The following DMXL1 variants were observed in gnomAD, a reference collection of about 807,000 sequenced individuals.
DMXL1 encodes dmX-like protein 1.
A neutral mutation model predicts 319.2 loss-of-function variants in DMXL1; 99 were observed. The observed-to-expected ratio is 0.31, with a 90% CI of 0.26 to 0.37. The LOEUF (loss-of-function observed/expected upper bound fraction) is 0.37. DMXL1 is among the 10% of genes least tolerant of loss of function. DMXL1 has a pLI of 1.00. For missense variants in DMXL1, 3,745 were observed against 3,595.6 expected, an observed-to-expected ratio of 1.04 and a Z score of -1.06; for synonymous variants, 1,385 against 1,235.2, an observed-to-expected ratio of 1.12 and a Z score of -2.54.
Position 119,228,325 on chromosome 5 carries a change from C to T in DMXL1, c.8338+3556C>T, listed in dbSNP as rs181429750. On this transcript the variant is annotated intron_variant, in intron 38 of 43. Transcript: ENST00000539542. ...AGTGAAGATCAGGAGAAACAATAAC[C>T]ATCTGTCAGTGACAAAAGACTTAAC... Among the ~76,000 whole-genome samples, 8 of 152,264 alleles carry T rather than the reference C, an allele frequency of 5.3e-5. No homozygotes were observed. The East Asian group carries it at 1.5e-3, about 29-fold the overall frequency.
At chr5:119,241,219 C>T (rs1788726000) in intron 42 of DMXL1, among the ~76,000 whole-genome samples, 1 of 152,062 alleles carries the variant, frequency 6.6e-6, no homozygotes, top group East Asian at 1.9e-4. Flanking sequence ...AAGTTTATGT[C>T]ATCTGTTTAC....
chr5:119,144,981 G>A (rs1768199124), intron 15 of DMXL1, among the ~76,000 whole-genome samples: 1 of 151,632 alleles, frequency 6.6e-6, no homozygotes, highest in South Asian at 2.1e-4. Flanking sequence ...TAAAGAAGTA[G>A]CTTAAAACTT....
At chr5:119,120,233 TTGAA>T (rs1473256496) in intron 8 of DMXL1, among the ~76,000 whole-genome samples, 1 of 152,238 alleles carries the variant, frequency 6.6e-6, no homozygotes, top group African/African-American at 2.4e-5. Flanking sequence ...CAATTTATCT[TTGAA>T]TGCTTTGTAT....
intron 1 of DMXL1, among the ~76,000 whole-genome samples, chr5:119,095,244 ATAG>A (rs1364201044): frequency 6.6e-6 from 1 of 152,220 alleles, no homozygotes; most frequent in Non-Finnish European, 1.5e-5. Context: ...AAAAAGTCAA[ATAG>A]TAGTAGTATG....
At chr5:119,179,219 A>T (rs1776368661) in intron 28 of DMXL1, among the ~76,000 whole-genome samples, 1 of 151,512 alleles carries the variant, frequency 6.6e-6, no homozygotes, top group Admixed American at 6.6e-5. Context: ...GGGCATGAGG[A>T]GTAGCTTTAT....
intron 37 of DMXL1, among the ~76,000 whole-genome samples, chr5:119,222,248 A>G (rs1256593026): frequency 6.6e-6 from 1 of 152,174 alleles, no homozygotes; most frequent in African/African-American, 2.4e-5. Context: ...CAAAAAGGTC[A>G]AGTGGATCAA....
chr5:119,192,962 A>G (rs781098479), intron 29 of DMXL1, among the ~76,000 whole-genome samples: 1 of 152,172 alleles, frequency 6.6e-6, no homozygotes, highest in Non-Finnish European at 1.5e-5. Flanking sequence ...CTCCAAATCT[A>G]TCAGCAGACC....
intron 27 of DMXL1, 79 bp from the exon 28 acceptor site, chr5:119,177,917 G>A (rs2150312693): frequency 7.6e-7 from 1 of 1,314,684 alleles, no homozygotes; most frequent in Non-Finnish European, 1.0e-6. Flanking sequence ...ATTTTTTCCT[G>A]AAATTAGAAA....
intron 18 of DMXL1, among the ~76,000 whole-genome samples, chr5:119,151,579 A>G: frequency 6.6e-6 from 1 of 152,144 alleles, no homozygotes; most frequent in East Asian, 1.9e-4. Context: ...ATTGGGGTGG[A>G]TGTATGATTC....
rs771750916 is a variant in DMXL1 at position 119,151,997 on chromosome 5, A to T, written c.4663A>T (p.Thr1555Ser). The T allele has an allele frequency of 6.2e-7, 1 of 1,613,128 alleles. No homozygotes were observed. Among genetic ancestry groups the T allele is most frequent in the South Asian group, 1.1e-5 (1 of 91,006 alleles). ...TGTTCGACTCCATACCTTTCTTACA[A>T]CTTCCCTTCCAGCCTATCGAGCTCA... The part of the protein sequence containing the change: ...LAVRLHTFLT[T>S]SLPAYRAQLL... The change falls in exon 19 of 44, where the codon ACT becomes TCT. Residue 1555 changes from threonine to serine, a missense_variant. By Grantham distance (58) the Thr-to-Ser change is moderately conservative. Around this residue, in one of 4 missense-constraint regions of DMXL1, gnomAD observed 2,096 missense variants for 1,985.4 expected, o/e 1.06. Transcript: ENST00000539542.
At chr5:119,172,863 C>A (rs369072582) in intron 25 of DMXL1, among the ~76,000 whole-genome samples, 1 of 152,056 alleles carries the variant, frequency 6.6e-6, no homozygotes, top group East Asian at 1.9e-4. Context: ...TACCTTAATC[C>A]TTGTAATTAA....
intron 38 of DMXL1, among the ~76,000 whole-genome samples, chr5:119,230,587 A>G (rs1786501325): frequency 6.6e-6 from 1 of 152,228 alleles, no homozygotes; most frequent in Non-Finnish European, 1.5e-5. Flanking sequence ...AGTCGTTTAT[A>G]AAAAGGATAT....
At chr5:119,173,404 T>A (rs1277970953) in intron 25 of DMXL1, among the ~76,000 whole-genome samples, 1 of 151,868 alleles carries the variant, frequency 6.6e-6, no homozygotes, top group African/African-American at 2.4e-5. Flanking sequence ...AAGCCATCAT[T>A]TATTTTGCTT....
At chr5:119,142,458 A>G (rs572937329) in intron 13 of DMXL1, among the ~76,000 whole-genome samples, 7 of 151,830 alleles carry the variant, frequency 4.6e-5, no homozygotes, top group African/African-American at 1.7e-4. Flanking sequence ...AGAGAAATGC[A>G]GATAAAAACC....
chr5:119,237,365 C>T lies in DMXL1; in HGVS notation c.8510C>T (p.Thr2837Ile). Residue 2837 changes from threonine to isoleucine, a missense_variant, in exon 40 of 44, where the codon ACA becomes ATA. Coordinates refer to ENST00000539542, the MANE Select transcript of DMXL1 (RefSeq NM_001290321.3). ...GATGGATATTTAAGTTTGTATCAAA[C>T]AAACTGGAAATGTTGTCCAGTTACT... Reference protein sequence around the residue: ...DADGYLSLYQTNWKCCPVTGS... With the variant: ...DADGYLSLYQINWKCCPVTGS... 6.2e-7 allele frequency: 1 copy of T among 1,603,896 alleles called. No homozygotes were observed. Among genetic ancestry groups the T allele is most frequent in the Admixed American group, 1.7e-5 (1 of 59,944 alleles).
chr5:119,134,028 T>C lies in DMXL1; in HGVS notation c.2104T>C (p.Tyr702His). 6.2e-7 allele frequency: 1 copy of C among 1,614,208 alleles called. No individual in the cohort carries two copies. Among genetic ancestry groups the C allele is most frequent in the South Asian group, 1.1e-5 (1 of 91,084 alleles). The change falls in exon 12 of 44, where the codon TAC becomes CAC. Residue 702 changes from tyrosine (Y) to histidine (H), a missense_variant. Coordinates refer to ENST00000539542, the MANE Select transcript of DMXL1 (RefSeq NM_001290321.3). ...GGCATTTCAGGATCCCAGTGCAGTT[T>C]ACAGTGAGCTTATTCTGTGGAGGGT... ...DVAFQDPSAV[Y>H]SELILWRVDP... is the part of the protein sequence containing the mutation.
In DMXL1 at chr5:119,118,932, T is replaced by C. The variant is rs1761435269; in HGVS notation, c.861T>C (p.Thr287=). The C allele has an allele frequency of 6.2e-7, 1 of 1,613,762 alleles. No homozygotes were observed. The highest frequency in any genetic ancestry group is 8.5e-7 in the Non-Finnish European group (1 of 1,179,892). Residue 287 remains threonine (T), a synonymous_variant, in exon 8 of 44, where the codon ACT becomes ACC. Transcript: ENST00000539542. ...ACGGAGGTGACTGCAGCCATTGGACTGAATCAATTAATTTAACAAATAACT... is the reference window on the plus strand; with the variant it reads ...ACGGAGGTGACTGCAGCCATTGGACCGAATCAATTAATTTAACAAATAACT... ...LLYGGDCSHW[T]ESINLTNNFK...
intron 38 of DMXL1, among the ~76,000 whole-genome samples, chr5:119,229,830 C>G (rs1204468779): frequency 1.3e-5 from 2 of 152,106 alleles, no homozygotes; most frequent in Non-Finnish European, 2.9e-5. Flanking sequence ...AAATCTATAT[C>G]TTTCATAATT....
Position 119,104,505 on chromosome 5 carries a change from G to C in DMXL1, c.286-675G>C, listed in dbSNP as rs143367810. ...AAGTTTGAGAGCCACCACATTAAGA[G>C]AGTATGAATCTCAATCTGTAATTGG... On this transcript the variant is annotated intron_variant, in intron 3 of 43. Transcript: ENST00000539542. 1.2e-4 allele frequency among the ~76,000 whole-genome samples: 18 copies of C among 152,306 alleles called. No homozygotes were observed. In the East Asian group the frequency reaches 2.7e-3, roughly 23 times the overall value.
Sources: gnomAD v4.1 joint callset for allele counts (sites outside exome capture counted in the v4.1 genomes callset) on GRCh38, gnomAD v4.1.1 for gene constraint, gnomAD v4.1.1 regional missense constraint, MANE v1.5 for transcripts, NCBI Gene and HGNC (gene_info 2026-07-23, HGNC 2026-07-21) for gene names.